Variants in CDON observed in about 807,000 individuals in gnomAD.
The protein encoded by CDON is cell adhesion associated, oncogene regulated, also known as cell adhesion molecule-related/down-regulated by oncogenes.
A neutral mutation model predicts 120.9 loss-of-function variants in CDON; 73 were observed. The ratio of observed to expected loss-of-function variants is 0.60; its 90% CI spans 0.50 to 0.73. The LOEUF is 0.73. CDON is among the 30% of genes least tolerant of loss of function. The probability of loss-of-function intolerance (pLI) is 0.00; values close to 1 mark genes in which losing one functional copy is unlikely to be tolerated. For missense variants in CDON, 1,470 were observed against 1,587.3 expected, an observed-to-expected ratio of 0.93 and a Z score of 1.26; for synonymous variants, 566 against 573.5, an observed-to-expected ratio of 0.99 and a Z score of 0.19.
At chr11:126,040,837 AAAAAAAAAAG>A (rs2134830984) in intron 1 of CDON, among the ~76,000 whole-genome samples, 1 of 143,876 alleles carries the variant, frequency 7.0e-6, no homozygotes, top group South Asian at 2.2e-4. Flanking sequence ...AAAAAAAAAA[AAAAAAAAAAG>A]GTACTAAAGT....
At chr11:125,970,363 T>C (rs1945944584) in intron 18 of CDON, among the ~76,000 whole-genome samples, 1 of 151,780 alleles carries the variant, frequency 6.6e-6, no homozygotes, top group South Asian at 2.1e-4. Context: ...TTAGTAGAGA[T>C]GGGGTTTCAC....
In CDON at chr11:126,005,163, G is replaced by A. The variant is rs183482430; in HGVS notation, c.1851+596C>T. Among the ~76,000 whole-genome samples the A allele has an allele frequency of 1.1e-4, 16 of 152,224 alleles. No homozygotes were observed. In the East Asian group the frequency reaches 2.7e-3, roughly 26 times the overall value. Reference sequence around the variant, plus strand: ...AAAAATACAAAAAAATTAGCCAGGTGTGGTAGTGCATGCCTGCAATCCCAG... The same window carrying A: ...AAAAATACAAAAAAATTAGCCAGGTATGGTAGTGCATGCCTGCAATCCCAG... On this transcript the variant is annotated intron_variant, in intron 9 of 19. Transcript: ENST00000531738.
chr11:126,052,643 C>A (rs1044841530), intron 1 of CDON, among the ~76,000 whole-genome samples: 1 of 151,972 alleles, frequency 6.6e-6, no homozygotes, highest in East Asian at 1.9e-4. Context: ...GCCAACATGG[C>A]GAAACCCTGT....
At position 125,981,112 on chromosome 11, in the gene CDON, G is replaced by A. The variant is rs768648215; in HGVS notation, c.3213C>T (p.Ser1071=). ...VNGSLNGGLY[S]GHSNSLTRTH... ...TCCTGGTTAGAGAGTTGCTGTGCCC[G>A]GAGTAAAGCCCTCCATTTAGGCTCC... is the stretch of plus-strand genomic sequence containing the variant. The change falls in exon 17 of 20, where the codon TCC becomes TCT. Residue 1071 remains serine, a synonymous_variant. Transcript: ENST00000531738. 20 of 1,614,002 alleles carry A rather than the reference G, an allele frequency of 1.2e-5. No homozygotes were observed. The highest frequency in any genetic ancestry group is 5.0e-5 in the Admixed American group (3 of 60,000).
In CDON at chr11:126,019,730, T is replaced by C. The variant is rs1947579263; in HGVS notation, c.385A>G (p.Ile129Val). ...CCAGCACTTTTTTCTTCTGCTGTAA[T>C]AACATGCTTTGTGGATGAACCAAAA... Reference protein sequence around the residue: ...GDFGSSTKHVITAEEKSAGFI... With the variant: ...GDFGSSTKHVVTAEEKSAGFI... The change falls in exon 4 of 20, where the codon ATT (isoleucine) becomes GTT (valine). Residue 129 changes from isoleucine to valine, a missense_variant. Coordinates refer to ENST00000531738, the MANE Select transcript of CDON (RefSeq NM_001378964.1). The C allele has an allele frequency of 3.7e-6, 6 of 1,613,952 alleles. No homozygotes were observed. Among genetic ancestry groups the C allele is most frequent in the Non-Finnish European group, 4.2e-6 (5 of 1,179,840 alleles).
chr11:126,033,177 A>G (rs1240201812), intron 1 of CDON, among the ~76,000 whole-genome samples: 1 of 152,180 alleles, frequency 6.6e-6, no homozygotes, highest in Non-Finnish European at 1.5e-5. Context: ...CAAGTGAGTG[A>G]GTGGATGATG....
chr11:126,043,075 T>G (rs1948308882), intron 1 of CDON, among the ~76,000 whole-genome samples: 1 of 152,182 alleles, frequency 6.6e-6, no homozygotes, highest in African/African-American at 2.4e-5. Context: ...CGCTTTGACC[T>G]TTTCTGCATG....
rs527544105 is a variant in CDON at position 126,015,980 on chromosome 11, T to A, written c.929-470A>T. 1.5e-4 allele frequency among the ~76,000 whole-genome samples: 23 copies of A among 152,304 alleles called. No homozygotes were observed. The South Asian group carries it at 3.9e-3, about 26-fold the overall frequency. On this transcript the variant is annotated intron_variant, in intron 6 of 19. Transcript: ENST00000531738. ...AATGGTGAAAATAAAAGAACAAAACTTCCTTTAGGGATCCTTAAAGTCACT... is the reference window on the plus strand; with the variant it reads ...AATGGTGAAAATAAAAGAACAAAACATCCTTTAGGGATCCTTAAAGTCACT...
chr11:126,020,243 C>T (rs1947594990), intron 3 of CDON, among the ~76,000 whole-genome samples: 1 of 152,034 alleles, frequency 6.6e-6, no homozygotes, highest in Non-Finnish European at 1.5e-5. Context: ...CCTTTTCAAT[C>T]CAGTGCCCCA....
intron 1 of CDON, among the ~76,000 whole-genome samples, chr11:126,039,982 T>A (rs1215924076): frequency 6.6e-6 from 1 of 152,150 alleles, no homozygotes; most frequent in Non-Finnish European, 1.5e-5. Context: ...TCCGCACTTA[T>A]GGCCTTCACT....
chr11:125,961,106 C>T lies in CDON; in HGVS notation c.3632-1G>A. 1 of 1,613,642 alleles carries T rather than the reference C, an allele frequency of 6.2e-7. No homozygotes were observed. Among genetic ancestry groups the T allele is most frequent in the African/African-American group, 1.3e-5 (1 of 75,028 alleles). On this transcript the variant is annotated splice_acceptor_variant, in intron 19 of 19. Coordinates refer to ENST00000531738, the MANE Select transcript of CDON (RefSeq NM_001378964.1). LOFTEE classifies it high-confidence loss of function. The stretch of plus-strand genomic sequence containing the variant: ...GTTTCTGAATGGGCACAGCTGTCTC[C>T]TGAAACACAGCAGGGTTTGGGAGCA...
intron 2 of CDON, among the ~76,000 whole-genome samples, chr11:126,022,233 C>T (rs1947664389): frequency 6.6e-6 from 1 of 152,006 alleles, no homozygotes; most frequent in South Asian, 2.1e-4. Context: ...GAATTCTCCC[C>T]TATTTTACCA....
intron 18 of CDON, among the ~76,000 whole-genome samples, chr11:125,963,059 C>T (rs10893452): frequency 0.21 from 31,428 of 151,816 alleles, 3,515 homozygotes; most frequent in East Asian, 0.41. Context: ...GCTCTGTTAG[C>T]ATCACACTCA....
intron 1 of CDON, among the ~76,000 whole-genome samples, chr11:126,036,148 C>T (rs1948092043): frequency 6.6e-6 from 1 of 152,168 alleles, no homozygotes; most frequent in Non-Finnish European, 1.5e-5. Flanking sequence ...TCCAATGATG[C>T]TTCTCTGTGC....
intron 18 of CDON, among the ~76,000 whole-genome samples, chr11:125,969,428 C>A (rs1404182670): frequency 8.5e-5 from 13 of 152,132 alleles, no homozygotes; most frequent in Non-Finnish European, 4.4e-5. Flanking sequence ...GAAAACAGGA[C>A]AAATGTCTGC....
chr11:126,008,572 G>T (rs994351983), intron 8 of CDON, among the ~76,000 whole-genome samples: 1 of 152,136 alleles, frequency 6.6e-6, no homozygotes, highest in Non-Finnish European at 1.5e-5. Context: ...TATTTAAGGT[G>T]AGGAAGTTCG....
chr11:125,977,301 T>C (rs1946174169), intron 18 of CDON, among the ~76,000 whole-genome samples: 1 of 152,236 alleles, frequency 6.6e-6, no homozygotes, highest in South Asian at 2.1e-4. Context: ...AGAAGCTCTG[T>C]TGCTTTTGTT....
intron 1 of CDON, among the ~76,000 whole-genome samples, chr11:126,035,268 GA>G (rs1274568218): frequency 6.6e-6 from 1 of 152,124 alleles, no homozygotes; most frequent in Non-Finnish European, 1.5e-5. Flanking sequence ...ACAAATCTTG[GA>G]AAAGGATCTT....
chr11:125,994,185 A>G (rs1232216388), intron 14 of CDON, 99 bp downstream of exon 14: 1 of 749,798 alleles, frequency 1.3e-6, no homozygotes, highest in Non-Finnish European at 2.4e-6. Flanking sequence ...ACACCATTCC[A>G]TTTTGTACTG....
Sources: gnomAD v4.1 joint callset for allele counts (sites outside exome capture counted in the v4.1 genomes callset) on GRCh38, gnomAD v4.1.1 for gene constraint, MANE v1.5 for transcripts, NCBI Gene and HGNC (gene_info 2026-07-23, HGNC 2026-07-21) for gene names.